Variants in PRKCE observed in about 807,000 individuals in gnomAD.
The protein encoded by PRKCE is protein kinase C epsilon type.
PRKCE carries 16 observed loss-of-function variants against 85.4 expected under a neutral mutation model. The observed-to-expected ratio is 0.19, with a 90% CI of 0.13 to 0.28. The LOEUF is 0.28. Ranked by LOEUF, PRKCE falls within the 10% of genes least tolerant of loss-of-function variation. The pLI is 1.00. For missense variants in PRKCE, 573 were observed against 975.2 expected, an observed-to-expected ratio of 0.59 and a Z score of 5.49; for synonymous variants, 388 against 371.5, an observed-to-expected ratio of 1.04 and a Z score of -0.51.
chr2:45,789,648 G>A (rs1307596779), intron 1 of PRKCE, among the ~76,000 whole-genome samples: 3 of 152,230 alleles, frequency 2.0e-5, no homozygotes, highest in African/African-American at 7.2e-5. Flanking sequence ...GGGAAAGGGG[G>A]GAAAGACAGG....
intron 1 of PRKCE, among the ~76,000 whole-genome samples, chr2:45,826,858 A>C (rs761322831): frequency 6.6e-6 from 1 of 152,114 alleles, no homozygotes; most frequent in African/African-American, 2.4e-5. Context: ...TTACATTCAG[A>C]ATCTGACCAA....
At chr2:46,146,866 A>T (rs2104498882) in intron 12 of PRKCE, among the ~76,000 whole-genome samples, 1 of 152,332 alleles carries the variant, frequency 6.6e-6, no homozygotes, top group African/African-American at 2.4e-5. Context: ...CCTGGTGCTC[A>T]TAGTAATGAA....
chr2:46,175,354 C>A (rs1249756473), intron 14 of PRKCE, among the ~76,000 whole-genome samples: 3 of 152,208 alleles, frequency 2.0e-5, no homozygotes, highest in Non-Finnish European at 4.4e-5. Context: ...ATAGAAAGTT[C>A]TCTCCTGGAT....
intron 14 of PRKCE, among the ~76,000 whole-genome samples, chr2:46,182,718 G>A (rs1680118599): frequency 6.6e-6 from 1 of 152,202 alleles, no homozygotes. Context: ...CCTGGGACGA[G>A]TTGAAAACAG....
chr2:45,892,378 C>T (rs551609656), intron 2 of PRKCE, among the ~76,000 whole-genome samples: 27 of 150,466 alleles, frequency 1.8e-4, no homozygotes, highest in African/African-American at 6.6e-4. Context: ...GAACGGGGCT[C>T]ACTAGGTATT....
At chr2:45,695,774 A>C (rs1325090332) in intron 1 of PRKCE, among the ~76,000 whole-genome samples, 1 of 152,220 alleles carries the variant, frequency 6.6e-6, no homozygotes, top group Non-Finnish European at 1.5e-5. Context: ...CCGTCTCAAA[A>C]ACAAAACAGA....
At chr2:45,687,273 G>T (rs144653085) in intron 1 of PRKCE, among the ~76,000 whole-genome samples, 2 of 151,700 alleles carry the variant, frequency 1.3e-5, no homozygotes, top group Admixed American at 1.3e-4. Context: ...AGTAAGAAAA[G>T]ATCAATAACA....
chr2:45,711,363 C>T (rs1032477193), intron 1 of PRKCE, among the ~76,000 whole-genome samples: 1 of 152,206 alleles, frequency 6.6e-6, no homozygotes, highest in Non-Finnish European at 1.5e-5. Flanking sequence ...GCCAGACTGC[C>T]TGGCTGCAAA....
At chr2:46,146,210 C>T (rs946684872) in intron 12 of PRKCE, among the ~76,000 whole-genome samples, 23 of 152,252 alleles carry the variant, frequency 1.5e-4, no homozygotes, top group Non-Finnish European at 5.9e-5. Context: ...AGATTTAAGA[C>T]ATGGCCTGTC....
chr2:45,813,577 C>T (rs552018781), intron 1 of PRKCE, among the ~76,000 whole-genome samples: 9 of 152,264 alleles, frequency 5.9e-5, no homozygotes, highest in East Asian at 1.9e-4. Context: ...AGACAACCCT[C>T]GTCTTTCACA....
chr2:46,172,027 T>C (rs79739909), intron 14 of PRKCE, among the ~76,000 whole-genome samples: 4,654 of 152,328 alleles, frequency 0.031, 89 homozygotes, highest in East Asian at 0.085. Context: ...ACACGTCCCT[T>C]GAGTGGCCTC....
chr2:45,736,421 C>G (rs953633171), intron 1 of PRKCE, among the ~76,000 whole-genome samples: 1 of 152,176 alleles, frequency 6.6e-6, no homozygotes, highest in Non-Finnish European at 1.5e-5. Flanking sequence ...ATCATACTGT[C>G]TAAAGCATTT....
chr2:46,032,021 C>A lies in PRKCE; in HGVS notation c.1437+21504C>A, dbSNP rs576204222. Among the ~76,000 whole-genome samples the A allele has an allele frequency of 3.9e-5, 6 of 152,302 alleles. No individual in the cohort carries two copies. The East Asian group carries it at 1.2e-3, about 29-fold the overall frequency. On this transcript the variant is annotated intron_variant, in intron 10 of 14. Coordinates refer to ENST00000306156, the MANE Select transcript of PRKCE (RefSeq NM_005400.3). ...TTTTTAAACTTCCAGCAAATATTAA[C>A]AATGCCAGTGAATCCTGGTGTTCTC...
In PRKCE at chr2:45,818,005, A is replaced by G. The variant is rs996105949; in HGVS notation, c.349-24995A>G. On this transcript the variant is annotated intron_variant, in intron 1 of 14. Transcript: ENST00000306156. ...GTCCTTCTCAGCCCCGGAGCTGAGC[A>G]GAGTTTAAATCACTTCGATCCTTAG... Among the ~76,000 whole-genome samples, 14 of 152,236 alleles carry G rather than the reference A, an allele frequency of 9.2e-5. 1 individual carries two copies. The highest frequency in any genetic ancestry group is 6.2e-4 in the South Asian group (3 of 4,826).
At chr2:45,677,381 G>C (rs376466235) in intron 1 of PRKCE, among the ~76,000 whole-genome samples, 1 of 131,696 alleles carries the variant, frequency 7.6e-6, no homozygotes, top group African/African-American at 2.9e-5. Flanking sequence ...ACGGAGTCTC[G>C]CTCTGTCGCC....
intron 1 of PRKCE, among the ~76,000 whole-genome samples, chr2:45,729,617 T>G (rs1296929391): frequency 1.3e-5 from 2 of 152,224 alleles, no homozygotes; most frequent in Non-Finnish European, 2.9e-5. Context: ...TGAAGGGATG[T>G]GCATACTCAG....
rs58684318 is a variant in PRKCE at position 46,031,591 on chromosome 2, C to CGTGTGTGTGTGT, written c.1437+21107_1437+21118dup. Among the ~76,000 whole-genome samples, 770 of 144,110 alleles carry CGTGTGTGTGTGT rather than the reference C, an allele frequency of 5.3e-3. 1 individual carries two copies. Among genetic ancestry groups the CGTGTGTGTGTGT allele is most frequent in the Non-Finnish European group, 7.4e-3 (488 of 66,102 alleles). 94.5% of individuals were successfully genotyped at this position (144,110 alleles called of 152,430 possible). A position where few individuals can be genotyped will look rare whatever the true frequency, so the allele number is the denominator to read the frequency against. ...GTCTTCTACCCCTTTACATTCTGCTCGTGTGTGTGTGTGTGTGTGTGTGTG... is the reference window on the plus strand; with the variant it reads ...GTCTTCTACCCCTTTACATTCTGCTCGTGTGTGTGTGTGTGTGTGTGTGTGTGTGTGTGTGTG... On this transcript the variant is annotated intron_variant, in intron 10 of 14. Transcript: ENST00000306156.
At chr2:45,699,915 CA>C (rs1293739953) in intron 1 of PRKCE, among the ~76,000 whole-genome samples, 1 of 151,886 alleles carries the variant, frequency 6.6e-6, no homozygotes, top group Non-Finnish European at 1.5e-5. Context: ...CTGATGAGAT[CA>C]AGGAAGTGTG....
rs771936941 is a variant in PRKCE at position 46,004,498 on chromosome 2, C to A, written c.967-44C>A. Reference sequence around the variant, plus strand: ...GCTTTTGACATCAGAAAACTCTCAACCCTCCCTTCTGATGCCTCTGTCCCT... The same window carrying A: ...GCTTTTGACATCAGAAAACTCTCAAACCTCCCTTCTGATGCCTCTGTCCCT... On this transcript the variant is annotated intron_variant, in intron 7 of 14. Coordinates refer to ENST00000306156, the MANE Select transcript of PRKCE (RefSeq NM_005400.3). The surrounding 1 kb of genome is among the most constrained non-coding windows in gnomAD (Gnocchi z 4.1). The A allele has an allele frequency of 7.5e-6, 11 of 1,470,052 alleles. No homozygotes were observed. The Admixed American group carries it at 1.9e-4, about 26-fold the overall frequency. 91.1% of individuals were successfully genotyped at this position (1,470,052 alleles called of 1,614,324 possible).
Sources: gnomAD v4.1 joint callset for allele counts (sites outside exome capture counted in the v4.1 genomes callset) on GRCh38, gnomAD v4.1.1 for gene constraint, Gnocchi (gnomAD v3.1) non-coding constraint, MANE v1.5 for transcripts, NCBI Gene and HGNC (gene_info 2026-07-23, HGNC 2026-07-21) for gene names.